The following SHISA9 variants were observed in gnomAD, a reference collection of about 807,000 sequenced individuals.
SHISA9 encodes shisa family member 9.
In SHISA9, 13 loss-of-function variants were observed where a neutral mutation model predicts 38.0. The ratio of observed to expected loss-of-function variants is 0.34; its 90% CI spans 0.22 to 0.54. The LOEUF is 0.54. Among genes scored for constraint, SHISA9 ranks in the 20% least tolerant of loss-of-function variants. The pLI is 0.91. For synonymous variants in SHISA9, 275 were observed against 242.0 expected, an observed-to-expected ratio of 1.14 and a Z score of -1.27; for missense variants, 538 against 575.8, an observed-to-expected ratio of 0.93 and a Z score of 0.67.
At chr16:13,363,182 G>T in the SHISA9 span, among the ~76,000 whole-genome samples, 1 of 152,208 alleles carries the variant, frequency 6.6e-6, no homozygotes, top group African/African-American at 2.4e-5. Context: ...CTATTTCAAT[G>T]CTAGATCATA....
chr16:13,499,014 T>A, the SHISA9 span, among the ~76,000 whole-genome samples: 1 of 152,136 alleles, frequency 6.6e-6, no homozygotes, highest in Non-Finnish European at 1.5e-5. Context: ...AGGTGAGAGG[T>A]CTGCCCCTGA....
At chr16:13,273,394 A>G in the SHISA9 span, among the ~76,000 whole-genome samples, 1 of 152,100 alleles carries the variant, frequency 6.6e-6, no homozygotes, top group African/African-American at 2.4e-5. Context: ...TAATTGAATC[A>G]TGGGGGCTGG....
chr16:13,116,930 T>A (rs2074036050), intron 2 of SHISA9, among the ~76,000 whole-genome samples: 1 of 152,148 alleles, frequency 6.6e-6, no homozygotes, highest in Non-Finnish European at 1.5e-5. Flanking sequence ...GGGCCAGCAA[T>A]ACGTCCCAGT....
At chr16:13,333,736 C>T in the SHISA9 span, among the ~76,000 whole-genome samples, 2 of 152,092 alleles carry the variant, frequency 1.3e-5, no homozygotes, top group African/African-American at 2.4e-5. Flanking sequence ...ATATCTGGAA[C>T]GTAAACTACC....
At chr16:13,083,351 T>G (rs1231435650) in intron 2 of SHISA9, among the ~76,000 whole-genome samples, 1 of 152,196 alleles carries the variant, frequency 6.6e-6, no homozygotes, top group Admixed American at 6.5e-5. Context: ...CGAATAGTTG[T>G]AGGCGTTCCA....
the SHISA9 span, among the ~76,000 whole-genome samples, chr16:13,500,080 T>C: frequency 6.6e-6 from 1 of 152,176 alleles, no homozygotes; most frequent in Non-Finnish European, 1.5e-5. Context: ...ATTGTAATCC[T>C]CAGGTATTGA....
At chr16:13,075,829 C>T (rs565565690) in intron 2 of SHISA9, among the ~76,000 whole-genome samples, 79 of 152,196 alleles carry the variant, frequency 5.2e-4, no homozygotes, top group Middle Eastern at 3.4e-3. Flanking sequence ...TGTTTCTTAT[C>T]TAGATACTGT....
the SHISA9 span, among the ~76,000 whole-genome samples, chr16:13,267,412 G>A: frequency 4.6e-5 from 7 of 152,160 alleles, no homozygotes; most frequent in East Asian, 1.9e-4. Context: ...TGGGGGTGTG[G>A]TGAAATTGAT....
intron 2 of SHISA9, among the ~76,000 whole-genome samples, chr16:13,022,541 G>A (rs1236057250): frequency 2.6e-5 from 4 of 152,040 alleles, no homozygotes; most frequent in African/African-American, 7.2e-5. Context: ...ATGTTGGCCA[G>A]GCTTGTCTTG....
the SHISA9 span, among the ~76,000 whole-genome samples, chr16:13,260,510 G>A: frequency 1.3e-5 from 2 of 152,076 alleles, no homozygotes; most frequent in Admixed American, 6.5e-5. Context: ...TAGTGCAGGG[G>A]CAAAATGTCA....
chr16:13,060,647 A>AC (rs1363340638), intron 2 of SHISA9, among the ~76,000 whole-genome samples: 34 of 151,410 alleles, frequency 2.2e-4, no homozygotes, highest in African/African-American at 7.3e-4. Flanking sequence ...CAAAAAAAAA[A>AC]AAAAAAAAAA....
At chr16:13,273,432 G>T in the SHISA9 span, among the ~76,000 whole-genome samples, 2 of 152,048 alleles carry the variant, frequency 1.3e-5, no homozygotes, top group Admixed American at 6.6e-5. Flanking sequence ...TCCTGATAGC[G>T]AATAAGTCTC....
chr16:13,124,937 C>A (rs961550543), intron 2 of SHISA9, among the ~76,000 whole-genome samples: 3 of 151,524 alleles, frequency 2.0e-5, no homozygotes, highest in African/African-American at 7.3e-5. Flanking sequence ...TGAAATGAAT[C>A]CCTCTCTCTC....
chr16:13,461,124 T>C, the SHISA9 span, among the ~76,000 whole-genome samples: 1 of 152,176 alleles, frequency 6.6e-6, no homozygotes, highest in East Asian at 1.9e-4. Flanking sequence ...ATGGCAATAA[T>C]ATTAATAGAA....
chr16:12,922,545 A>G (rs1408594945), intron 2 of SHISA9, among the ~76,000 whole-genome samples: 1 of 152,184 alleles, frequency 6.6e-6, no homozygotes, highest in East Asian at 1.9e-4. Flanking sequence ...TTTGAGATGG[A>G]GTCTCGCTCT....
chr16:13,374,821 G>A, the SHISA9 span, among the ~76,000 whole-genome samples: 1 of 152,178 alleles, frequency 6.6e-6, no homozygotes, highest in Non-Finnish European at 1.5e-5. Context: ...ATCCTCTCCA[G>A]CATCTGTTGT....
At chr16:13,214,035 G>A (rs968897466) in intron 4 of SHISA9, among the ~76,000 whole-genome samples, 2 of 152,178 alleles carry the variant, frequency 1.3e-5, no homozygotes, top group Non-Finnish European at 2.9e-5. Flanking sequence ...TGGTAGATCT[G>A]CAGTTTGAAC....
intron 2 of SHISA9, among the ~76,000 whole-genome samples, chr16:13,037,904 T>C (rs940343082): frequency 1.4e-4 from 21 of 152,212 alleles, no homozygotes; most frequent in Admixed American, 5.2e-4. Context: ...TTTCCTTGCT[T>C]TTGTCCAACC....
At chr16:13,002,255 A>G (rs1286241694) in intron 2 of SHISA9, among the ~76,000 whole-genome samples, 1 of 152,208 alleles carries the variant, frequency 6.6e-6, no homozygotes, top group East Asian at 1.9e-4. Context: ...TAACTGGCAG[A>G]GACAGGCTTG....
Sources: allele counts gnomAD v4.1 joint callset (sites outside exome capture counted in the v4.1 genomes callset), GRCh38; gene constraint gnomAD v4.1.1; transcripts MANE v1.5; gene names NCBI Gene and HGNC (gene_info 2026-07-23, HGNC 2026-07-21).